NBEA: variants seen among roughly 807,000 people sequenced by gnomAD.
NBEA encodes the protein lysosomal-trafficking regulator 2.
Under a neutral mutation model 343.4 loss-of-function variants are expected in NBEA, and 44 were observed. That is an observed-to-expected ratio of 0.13 (90% CI 0.10 to 0.16). The LOEUF is 0.16. NBEA is among the 10% of genes least tolerant of loss of function. The probability of loss-of-function intolerance (pLI) is 1.00; values close to 1 mark genes in which losing one functional copy is unlikely to be tolerated. For missense variants in NBEA, 2,555 were observed against 3,631.3 expected (o/e 0.70, Z 7.62); for synonymous variants, 1,175 against 1,238.7 (o/e 0.95, Z 1.08).
intron 37 of NBEA, 111 bp downstream of exon 37, chr13:35,349,327 A>G (rs2040051736): frequency 1.9e-6 from 1 of 525,694 alleles, no homozygotes; most frequent in Non-Finnish European, 3.4e-6. Flanking sequence ...CACTGAAGGC[A>G]TTTCTGTTCC....
At chr13:35,496,439 C>T (rs565777258) in intron 41 of NBEA, among the ~76,000 whole-genome samples, 5 of 151,560 alleles carry the variant, frequency 3.3e-5, no homozygotes, top group East Asian at 2.0e-4. Context: ...GTTTGAGACC[C>T]GCCTGAGCAA....
chr13:35,447,711 T>C (rs1293236285), intron 39 of NBEA, among the ~76,000 whole-genome samples: 2 of 152,182 alleles, frequency 1.3e-5, no homozygotes, highest in African/African-American at 4.8e-5. Context: ...ACACATAATA[T>C]ACATTTTCAG....
At chr13:35,058,281 A>C (rs988444925) in intron 7 of NBEA, among the ~76,000 whole-genome samples, 3 of 152,156 alleles carry the variant, frequency 2.0e-5, no homozygotes, top group African/African-American at 7.2e-5. Context: ...AATTTGAAAA[A>C]TAAAGTAGAA....
Position 35,196,118 on chromosome 13 carries a change from C to G in NBEA, c.5182C>G (p.Pro1728Ala). The G allele has an allele frequency of 1.2e-6, 2 of 1,613,632 alleles. No homozygotes were observed. The highest frequency in any genetic ancestry group is 1.7e-6 in the Non-Finnish European group (2 of 1,179,740). ...LTENPSETLK[P>A]ATSISSISQT... ...TGAAAATCCTAGTGAAACGTTGAAG[C>G]CTGCAACATCCATATCTAGCATTAG... Residue 1728 changes from proline (P) to alanine (A), a missense_variant, in exon 31 of 59, where the codon CCT becomes GCT. Coordinates refer to ENST00000379939, the MANE Select transcript of NBEA (RefSeq NM_001385012.1).
At chr13:35,405,339 G>C (rs2043219061) in intron 38 of NBEA, among the ~76,000 whole-genome samples, 2 of 152,146 alleles carry the variant, frequency 1.3e-5, no homozygotes, top group African/African-American at 4.8e-5. Context: ...GCTGGGATTT[G>C]AACCCATATC....
intron 1 of NBEA, among the ~76,000 whole-genome samples, chr13:35,036,912 A>G (rs1354415736): frequency 1.3e-5 from 2 of 151,770 alleles, no homozygotes; most frequent in Non-Finnish European, 2.9e-5. Flanking sequence ...GTGTTCTATA[A>G]CCTTCTTGTA....
At chr13:35,596,422 A>G (rs1315165305) in intron 47 of NBEA, among the ~76,000 whole-genome samples, 1 of 152,162 alleles carries the variant, frequency 6.6e-6, no homozygotes, top group Non-Finnish European at 1.5e-5. Flanking sequence ...GAAGAAAAGT[A>G]TCTCTGCAAT....
At chr13:35,024,684 T>TAAATA (rs1465196263) in intron 1 of NBEA, among the ~76,000 whole-genome samples, 1 of 152,030 alleles carries the variant, frequency 6.6e-6, no homozygotes, top group Non-Finnish European at 1.5e-5. Flanking sequence ...TGTCTCAAAA[T>TAAATA]AAATAAAATA....
At chr13:35,117,105 G>GA (rs1426606841) in intron 13 of NBEA, among the ~76,000 whole-genome samples, 6 of 150,518 alleles carry the variant, frequency 4.0e-5, no homozygotes, top group Admixed American at 6.6e-5. Flanking sequence ...AATAAAAACA[G>GA]AAAAAAAAGC....
intron 38 of NBEA, among the ~76,000 whole-genome samples, chr13:35,386,489 A>G (rs2042248357): frequency 6.6e-6 from 1 of 152,132 alleles, no homozygotes; most frequent in Non-Finnish European, 1.5e-5. Flanking sequence ...ATAATAATTC[A>G]CTGACTCTAA....
chr13:35,511,181 T>C (rs1479440698), intron 41 of NBEA, among the ~76,000 whole-genome samples: 1 of 152,282 alleles, frequency 6.6e-6, no homozygotes, highest in South Asian at 2.1e-4. Context: ...AAAATCATTG[T>C]TAGTTTTGAG....
intron 17 of NBEA, among the ~76,000 whole-genome samples, chr13:35,141,277 T>G (rs940477553): frequency 6.6e-6 from 1 of 152,070 alleles, no homozygotes; most frequent in African/African-American, 2.4e-5. Flanking sequence ...TGTTTTTTTG[T>G]TTTTTTCTTG....
intron 31 of NBEA, among the ~76,000 whole-genome samples, chr13:35,207,031 A>T (rs1370727618): frequency 6.6e-6 from 1 of 152,098 alleles, no homozygotes; most frequent in Non-Finnish European, 1.5e-5. Flanking sequence ...AGAGAAAAGA[A>T]GAAAGTACCT....
At chr13:35,311,224 A>C (rs1291840250) in intron 36 of NBEA, among the ~76,000 whole-genome samples, 1 of 152,088 alleles carries the variant, frequency 6.6e-6, no homozygotes, top group African/African-American at 2.4e-5. Context: ...TAAACAGAAA[A>C]AACTATTTGC....
intron 1 of NBEA, among the ~76,000 whole-genome samples, chr13:34,957,649 C>T (rs1205110732): frequency 6.6e-6 from 1 of 151,936 alleles, no homozygotes; most frequent in Non-Finnish European, 1.5e-5. Context: ...TTCATACTAC[C>T]TGTCTATTTA....
chr13:35,463,131 T>C (rs2046994844), intron 40 of NBEA, among the ~76,000 whole-genome samples: 2 of 152,100 alleles, frequency 1.3e-5, no homozygotes, highest in Admixed American at 6.5e-5. Context: ...GGGCAGCCAA[T>C]GAAGGAGAGC....
intron 38 of NBEA, among the ~76,000 whole-genome samples, chr13:35,400,591 T>G (rs1399087318): frequency 6.6e-6 from 1 of 152,014 alleles, no homozygotes; most frequent in Non-Finnish European, 1.5e-5. Context: ...TCCAAGATGA[T>G]AGAAAAATAC....
chr13:35,536,639 A>G (rs2078560583), intron 41 of NBEA, among the ~76,000 whole-genome samples: 1 of 132,518 alleles, frequency 7.5e-6, no homozygotes, highest in Admixed American at 7.9e-5. Flanking sequence ...CGTAAAAAAT[A>G]GATAGATGAT....
chr13:35,343,629 C>T (rs1287308236), intron 36 of NBEA, among the ~76,000 whole-genome samples: 1 of 152,058 alleles, frequency 6.6e-6, no homozygotes, highest in Non-Finnish European at 1.5e-5. Flanking sequence ...CCATTGCTGG[C>T]ATCACCGCCT....
Sources: allele counts gnomAD v4.1 joint callset (sites outside exome capture counted in the v4.1 genomes callset), GRCh38; gene constraint gnomAD v4.1.1; transcripts MANE v1.5; gene names NCBI Gene and HGNC (gene_info 2026-07-23, HGNC 2026-07-21).